Variants in CHN2 observed in about 807,000 individuals in gnomAD.
CHN2 encodes the protein beta-chimaerin.
Under a neutral mutation model 56.3 loss-of-function variants are expected in CHN2, and 35 were observed. The observed-to-expected ratio is 0.62, with a 90% CI of 0.47 to 0.82. The LOEUF is 0.82. Among genes scored for constraint, CHN2 ranks in the 40% least tolerant of loss-of-function variants. CHN2 has a pLI of 0.00. For missense variants in CHN2, 491 were observed against 580.5 expected (o/e 0.85, Z 1.58); for synonymous variants, 210 against 212.8 (o/e 0.99, Z 0.12).
chr7:29,385,910 G>A (rs16875008), intron 3 of CHN2, among the ~76,000 whole-genome samples: 7,507 of 152,244 alleles, frequency 0.049, 618 homozygotes, highest in African/African-American at 0.17. Flanking sequence ...TTCACAGAAT[G>A]TTTTGATCAG....
intron 1 of CHN2, among the ~76,000 whole-genome samples, chr7:29,347,843 G>A (rs1797578829): frequency 6.6e-6 from 1 of 152,180 alleles, no homozygotes; most frequent in African/African-American, 2.4e-5. Context: ...AGATCTATGT[G>A]CGCTGACATG....
chr7:29,247,931 T>C (rs1288493355), intron 1 of CHN2, among the ~76,000 whole-genome samples: 1 of 152,372 alleles, frequency 6.6e-6, no homozygotes, highest in East Asian at 1.9e-4. Flanking sequence ...AACAGCATCA[T>C]TGCATGTGAA....
intron 1 of CHN2, among the ~76,000 whole-genome samples, chr7:29,218,892 A>C (rs1247962452): frequency 6.6e-6 from 1 of 151,894 alleles, no homozygotes; most frequent in Admixed American, 6.6e-5. Flanking sequence ...AGCATGGCAC[A>C]TGTATACATA....
At chr7:29,398,072 C>A in intron 4 of CHN2, 1 of 163,244 alleles carries the variant, frequency 6.1e-6, no homozygotes, top group Non-Finnish European at 1.1e-5. Flanking sequence ...GGGGGGGGGG[C>A]GGTGGTTGAG....
chr7:29,159,981 G>T (rs1170195141), intron 2 of CHN2, among the ~76,000 whole-genome samples: 1 of 152,126 alleles, frequency 6.6e-6, no homozygotes, highest in Non-Finnish European at 1.5e-5. Flanking sequence ...TCTGGTTGGT[G>T]GTCATCTTCT....
At chr7:29,325,256 T>C (rs760157171) in intron 1 of CHN2, among the ~76,000 whole-genome samples, 5 of 152,228 alleles carry the variant, frequency 3.3e-5, no homozygotes, top group Non-Finnish European at 7.3e-5. Flanking sequence ...GGGTTGGCCA[T>C]GTCATTTGAT....
chr7:29,499,773 T>C, intron 8 of CHN2, 94 bp from the exon 9 acceptor site: 2 of 1,170,828 alleles, frequency 1.7e-6, no homozygotes, highest in African/African-American at 3.1e-5. Flanking sequence ...GTCAAACCCT[T>C]GGGTGGTGAT....
At position 29,182,131 on chromosome 7, in the gene CHN2, T is replaced by C. The variant is rs116844924; in HGVS notation, c.274+35171T>C. Among the ~76,000 whole-genome samples the C allele has an allele frequency of 5.3e-5, 8 of 152,366 alleles. No individual in the cohort carries two copies. In the East Asian group the frequency reaches 1.5e-3, roughly 29 times the overall value. ...GAGAACTAACACTCATTAATCACTCTGCTGTCTTCCTCTTAATGAAAACCT... is the reference window on the plus strand; with the variant it reads ...GAGAACTAACACTCATTAATCACTCCGCTGTCTTCCTCTTAATGAAAACCT... On this transcript the variant is annotated intron_variant, in intron 2 of 6. Transcript: ENST00000439384.
chr7:29,408,407 G>T (rs1346578617), intron 6 of CHN2, among the ~76,000 whole-genome samples: 4 of 152,034 alleles, frequency 2.6e-5, no homozygotes, highest in African/African-American at 9.7e-5. Flanking sequence ...TTTCTTTCAA[G>T]GACACCTGTC....
chr7:29,388,657 G>A (rs1017509198), intron 3 of CHN2, among the ~76,000 whole-genome samples: 7 of 152,148 alleles, frequency 4.6e-5, no homozygotes, highest in African/African-American at 1.7e-4. Context: ...TAACCCACAT[G>A]TGATCTGGCT....
At chr7:29,364,161 TAAG>T (rs1359514198) in intron 2 of CHN2, among the ~76,000 whole-genome samples, 2 of 152,238 alleles carry the variant, frequency 1.3e-5, no homozygotes, top group South Asian at 2.1e-4. Flanking sequence ...TCTGGTTTCT[TAAG>T]AAGATTCAAT....
chr7:29,416,444 G>A (rs1803749911), intron 6 of CHN2, among the ~76,000 whole-genome samples: 2 of 152,176 alleles, frequency 1.3e-5, no homozygotes, highest in Admixed American at 1.3e-4. Context: ...TTTAAAATGG[G>A]GTGAAAAAGG....
At chr7:29,486,201 C>T (rs1051785581) in intron 7 of CHN2, among the ~76,000 whole-genome samples, 1 of 152,164 alleles carries the variant, frequency 6.6e-6, no homozygotes, top group African/African-American at 2.4e-5. Context: ...GTTTTATTGA[C>T]TGCAGAAACC....
At chr7:29,334,964 A>G (rs754147971) in intron 1 of CHN2, among the ~76,000 whole-genome samples, 3 of 152,240 alleles carry the variant, frequency 2.0e-5, no homozygotes, top group Non-Finnish European at 2.9e-5. Context: ...GACACCCGGA[A>G]TGATTCATTT....
intron 1 of CHN2, among the ~76,000 whole-genome samples, chr7:29,243,667 T>C (rs1471842552): frequency 1.3e-5 from 2 of 152,202 alleles, no homozygotes; most frequent in Non-Finnish European, 2.9e-5. Flanking sequence ...TGCAGGTAGG[T>C]GCTCATCACT....
At chr7:29,269,435 C>G (rs1432390686) in intron 1 of CHN2, among the ~76,000 whole-genome samples, 1 of 152,158 alleles carries the variant, frequency 6.6e-6, no homozygotes, top group Non-Finnish European at 1.5e-5. Context: ...ACCACATTTT[C>G]TTTATCCATG....
chr7:29,426,757 T>C (rs73080585), intron 6 of CHN2, among the ~76,000 whole-genome samples: 34,393 of 152,144 alleles, frequency 0.23, 4,625 homozygotes, highest in Non-Finnish European at 0.31. Flanking sequence ...GACTCTTATC[T>C]GAGTGCTCTG....
At position 29,461,061 on chromosome 7, in the gene CHN2, G is replaced by T. The variant is rs79026303; in HGVS notation, c.577-19218G>T. On this transcript the variant is annotated intron_variant, in intron 6 of 12. Transcript: ENST00000222792. ...TATCATCAATTCTATTCTCATGTAG[G>T]GTAACTGAAGCCATTCTCCTCCATC... Among the ~76,000 whole-genome samples, 376 of 152,184 alleles carry T rather than the reference G, an allele frequency of 2.5e-3. 2 individuals are homozygous for T. The highest frequency in any genetic ancestry group is 8.4e-3 in the African/African-American group (348 of 41,508).
chr7:29,363,974 C>G (rs941098059), intron 2 of CHN2, among the ~76,000 whole-genome samples: 13 of 152,076 alleles, frequency 8.5e-5, no homozygotes, highest in Non-Finnish European at 1.8e-4. Flanking sequence ...GAGTTTGATT[C>G]CAGCCTGGGC....
Sources: allele counts gnomAD v4.1 joint callset (sites outside exome capture counted in the v4.1 genomes callset), GRCh38; gene constraint gnomAD v4.1.1; transcripts MANE v1.5; gene names NCBI Gene and HGNC (gene_info 2026-07-23, HGNC 2026-07-21).